SCOC: variants seen among roughly 807,000 people sequenced by gnomAD.
SCOC encodes the protein short coiled-coil protein.
In SCOC, 7 loss-of-function variants were observed where a neutral mutation model predicts 9.9. That is an observed-to-expected ratio of 0.71 (90% CI 0.40 to 1.33). SCOC has a LOEUF of 1.33. Ranked by LOEUF, SCOC falls within the 40% of genes most tolerant of loss-of-function variation. The pLI, the probability that SCOC is intolerant of heterozygous loss-of-function variation, is 0.01. For synonymous variants in SCOC, 19 were observed against 28.2 expected (o/e 0.67, Z 1.03); for missense variants, 66 against 89.7 (o/e 0.74, Z 1.07).
intron 1 of SCOC, among the ~76,000 whole-genome samples, chr4:140,330,969 T>C (rs904863342): frequency 6.6e-6 from 1 of 152,174 alleles, no homozygotes; most frequent in African/African-American, 2.4e-5. Context: ...GGAAAAGGCA[T>C]ACCTGGGAGG....
intron 1 of SCOC, among the ~76,000 whole-genome samples, chr4:140,317,621 C>T (rs1732363592): frequency 8.0e-6 from 1 of 125,402 alleles, no homozygotes; most frequent in African/African-American, 4.0e-5. Flanking sequence ...TGAATAAAGC[C>T]CTTCCTTCTT....
At chr4:140,286,042 G>A (rs1039721950) in intron 1 of SCOC, among the ~76,000 whole-genome samples, 10 of 152,052 alleles carry the variant, frequency 6.6e-5, no homozygotes, top group Non-Finnish European at 2.9e-5. Context: ...AAAATTAGCC[G>A]GATGTGGTGG....
chr4:140,277,680 G>A (rs1288407006), intron 1 of SCOC, among the ~76,000 whole-genome samples: 1 of 152,154 alleles, frequency 6.6e-6, no homozygotes, highest in African/African-American at 2.4e-5. Context: ...TAAAAAAGCA[G>A]CATAAAAACA....
Position 140,366,912 on chromosome 4 carries a change from A to G in SCOC, c.71-12209A>G, listed in dbSNP as rs537848791. 202 of 620,524 alleles carry G rather than the reference A, an allele frequency of 3.3e-4. No individual in the cohort carries two copies. In the African/African-American group the frequency reaches 3.5e-3, roughly 11 times the overall value. 38.4% of individuals were successfully genotyped at this position (620,524 alleles called of 1,614,324 possible). A position where few individuals can be genotyped will look rare whatever the true frequency, so the allele number is the denominator to read the frequency against. On this transcript the variant is annotated intron_variant, in intron 2 of 4. Coordinates refer to the SCOC transcript ENST00000338517. ...AAGGCCAGGTGCATTCTTTTATAAA[A>G]TATTAGTTATTGACCAGGCGTGGTG...
intron 2 of SCOC, among the ~76,000 whole-genome samples, chr4:140,363,328 A>G (rs1727653690): frequency 1.3e-5 from 2 of 152,222 alleles, no homozygotes; most frequent in Non-Finnish European, 2.9e-5. Context: ...TTTGAACTGC[A>G]TGAGTCCACT....
intron 1 of SCOC, among the ~76,000 whole-genome samples, chr4:140,279,972 A>T (rs1481830277): frequency 6.6e-6 from 1 of 152,166 alleles, no homozygotes; most frequent in Non-Finnish European, 1.5e-5. Context: ...AGTTATTGTG[A>T]AGGGAGAAAA....
At chr4:140,277,434 G>A (rs566810240) in intron 1 of SCOC, among the ~76,000 whole-genome samples, 20 of 152,116 alleles carry the variant, frequency 1.3e-4, no homozygotes, top group East Asian at 3.9e-4. Context: ...CCTATTCTTC[G>A]TGCTATTCCA....
At chr4:140,289,273 C>T (rs1471596819) in intron 1 of SCOC, among the ~76,000 whole-genome samples, 2 of 152,190 alleles carry the variant, frequency 1.3e-5, no homozygotes, top group East Asian at 1.9e-4. Context: ...ACAAAGCAGC[C>T]TCCGAATTAA....
In SCOC at chr4:140,385,642, T is replaced by C. The variant is rs1248918265; in HGVS notation, c.*4538T>C. 6.6e-6 allele frequency: 1 copy of C among 152,180 alleles called. No homozygotes were observed. Among genetic ancestry groups the C allele is most frequent in the East Asian group, 1.9e-4 (1 of 5,200 alleles). The allele number at this position is 152,180 out of a possible 1,614,324, so 9.4% of individuals were successfully genotyped here. On this transcript the variant is annotated 3_prime_UTR_variant, in exon 4 of 4. Transcript: ENST00000608372. ...TTGAATTATAAAATCTAAAATTAAT[T>C]TTGTGGTCCAAAGAAAAGCAAAATA...
intron 1 of SCOC, among the ~76,000 whole-genome samples, chr4:140,310,999 A>C (rs1166287988): frequency 6.6e-6 from 1 of 152,224 alleles, no homozygotes; most frequent in Non-Finnish European, 1.5e-5. Context: ...TGTTAGACCT[A>C]GGGAAAAACA....
At chr4:140,374,493 A>C (rs1284138122) in intron 1 of SCOC, among the ~76,000 whole-genome samples, 1 of 152,218 alleles carries the variant, frequency 6.6e-6, no homozygotes, top group African/African-American at 2.4e-5. Context: ...CTGAGAGTAT[A>C]GCTTCCATTT....
chr4:140,269,381 C>T (rs1258325196), intron 1 of SCOC, among the ~76,000 whole-genome samples: 2 of 152,048 alleles, frequency 1.3e-5, no homozygotes, highest in African/African-American at 2.4e-5. Flanking sequence ...AACACTCTTT[C>T]GTAGAGCCCT....
upstream of SCOC, among the ~76,000 whole-genome samples, chr4:140,342,067 A>G (rs540853579): frequency 6.6e-6 from 1 of 152,188 alleles, no homozygotes; most frequent in Non-Finnish European, 1.5e-5. Flanking sequence ...TGATTCTTAG[A>G]GGACTTGAAC....
intron 1 of SCOC, among the ~76,000 whole-genome samples, chr4:140,327,849 A>G (rs975500162): frequency 2.0e-5 from 3 of 152,040 alleles, no homozygotes; most frequent in Non-Finnish European, 1.5e-5. Flanking sequence ...CTGGACTAGG[A>G]CTGTATCAGG....
At chr4:140,282,764 T>A (rs772365770) in intron 1 of SCOC, among the ~76,000 whole-genome samples, 20 of 152,226 alleles carry the variant, frequency 1.3e-4, no homozygotes, top group Non-Finnish European at 2.4e-4. Flanking sequence ...GTTGATTTAA[T>A]GACATTCAGG....
At chr4:140,288,704 C>A (rs897552276) in intron 1 of SCOC, among the ~76,000 whole-genome samples, 1 of 151,948 alleles carries the variant, frequency 6.6e-6, no homozygotes, top group African/African-American at 2.4e-5. Flanking sequence ...TGTGCCCCAA[C>A]ACCCTACACA....
intron 1 of SCOC, among the ~76,000 whole-genome samples, chr4:140,276,735 G>T (rs1213278728): frequency 6.6e-6 from 1 of 152,054 alleles, no homozygotes; most frequent in Non-Finnish European, 1.5e-5. Flanking sequence ...GGGATTACAG[G>T]CGTGAGCCAC....
chr4:140,363,714 T>C lies in SCOC; in HGVS notation c.71-15407T>C, dbSNP rs565209959. 3.3e-5 allele frequency among the ~76,000 whole-genome samples: 5 copies of C among 152,362 alleles called. No homozygotes were observed. In the East Asian group the frequency reaches 9.7e-4, roughly 29 times the overall value. ...CTGCTATTGCTGTGAGCTTAAGTGCTGTGAGTATCCACTTAAAATGCCATG... is the reference window on the plus strand; with the variant it reads ...CTGCTATTGCTGTGAGCTTAAGTGCCGTGAGTATCCACTTAAAATGCCATG... On this transcript the variant is annotated intron_variant, in intron 2 of 4. Transcript: ENST00000338517.
chr4:140,331,452 G>A (rs1027869463), intron 1 of SCOC, among the ~76,000 whole-genome samples: 3 of 151,928 alleles, frequency 2.0e-5, no homozygotes, highest in Admixed American at 1.3e-4. Context: ...AGATTTTCTC[G>A]CTGGTTAGAA....
Sources: gnomAD v4.1 joint callset for allele counts (sites outside exome capture counted in the v4.1 genomes callset) on GRCh38, gnomAD v4.1.1 for gene constraint, MANE v1.5 for transcripts, NCBI Gene and HGNC (gene_info 2026-07-23, HGNC 2026-07-21) for gene names.